Variants in LINGO2 observed in about 807,000 individuals in gnomAD.
LINGO2 encodes leucine-rich repeat and immunoglobulin-like domain-containing nogo receptor-interacting protein 2.
Under a neutral mutation model 30.6 loss-of-function variants are expected in LINGO2, and 14 were observed. The observed-to-expected ratio is 0.46, with a 90% CI of 0.30 to 0.72. The LOEUF (loss-of-function observed/expected upper bound fraction) is 0.72, where lower values mean the gene tolerates loss of function less well. Among genes scored for constraint, LINGO2 ranks in the 30% least tolerant of loss-of-function variants. The pLI is 0.07. For synonymous variants in LINGO2, 317 were observed against 288.5 expected (o/e 1.10, Z -1.00); for missense variants, 729 against 751.7 (o/e 0.97, Z 0.35).
chr9:28,830,166 T>C, the LINGO2 span, among the ~76,000 whole-genome samples: 1 of 152,076 alleles, frequency 6.6e-6, no homozygotes. Context: ...AAGGGGACAT[T>C]TTACTAGGCC....
chr9:28,305,600 A>G (rs1263735247), intron 3 of LINGO2, among the ~76,000 whole-genome samples: 1 of 152,042 alleles, frequency 6.6e-6, no homozygotes, highest in Non-Finnish European at 1.5e-5. Context: ...AATTTACACA[A>G]AAAAGTTCCC....
the LINGO2 span, among the ~76,000 whole-genome samples, chr9:28,776,612 T>C: frequency 6.6e-6 from 1 of 152,120 alleles, no homozygotes; most frequent in African/African-American, 2.4e-5. Context: ...TCCCTCTCTC[T>C]ATTCCACAAA....
intron 1 of LINGO2, among the ~76,000 whole-genome samples, chr9:28,593,911 T>C (rs914467396): frequency 4.6e-5 from 7 of 152,070 alleles, no homozygotes; most frequent in Admixed American, 1.3e-4. Context: ...CAGCTTAAAT[T>C]GTAGGAGAAT....
At chr9:28,498,919 G>A (rs1335215850) in intron 1 of LINGO2, among the ~76,000 whole-genome samples, 1 of 151,626 alleles carries the variant, frequency 6.6e-6, no homozygotes, top group African/African-American at 2.4e-5. Flanking sequence ...AGCAATAAAG[G>A]TAAATATTAT....
chr9:28,549,962 T>G (rs1320620481), intron 1 of LINGO2, among the ~76,000 whole-genome samples: 1 of 151,940 alleles, frequency 6.6e-6, no homozygotes, highest in African/African-American at 2.4e-5. Flanking sequence ...GTATTTTAAT[T>G]ATCTTCACAA....
At position 28,480,315 on chromosome 9, in the gene LINGO2, T is replaced by A. The variant is rs185103450; in HGVS notation, c.-364-4290A>T. ...ATGTTCAAATGCTATCTTCAATAATTTCTTTGAAAGGAAACACTTAAGTGC... is the reference window on the plus strand; with the variant it reads ...ATGTTCAAATGCTATCTTCAATAATATCTTTGAAAGGAAACACTTAAGTGC... On this transcript the variant is annotated intron_variant, in intron 1 of 5. Coordinates refer to ENST00000379992, the Ensembl canonical transcript of LINGO2. 7.8e-4 allele frequency among the ~76,000 whole-genome samples: 118 copies of A among 152,096 alleles called. 1 individual carries two copies. The highest frequency in any genetic ancestry group is 6.7e-3 in the Admixed American group (102 of 15,256).
chr9:29,087,662 T>C, the LINGO2 span, among the ~76,000 whole-genome samples: 1 of 152,140 alleles, frequency 6.6e-6, no homozygotes, highest in African/African-American at 2.4e-5. Context: ...AGTCTTTAAT[T>C]AGACTAGAAT....
At chr9:28,857,868 T>C in the LINGO2 span, among the ~76,000 whole-genome samples, 2 of 152,046 alleles carry the variant, frequency 1.3e-5, no homozygotes, top group Non-Finnish European at 2.9e-5. Flanking sequence ...AAATATATTA[T>C]TGAAATTAAT....
intron 4 of LINGO2, among the ~76,000 whole-genome samples, chr9:28,209,479 A>AT (rs1820519551): frequency 6.6e-6 from 1 of 151,992 alleles, no homozygotes; most frequent in African/African-American, 2.4e-5. Context: ...ATTTTCTGAA[A>AT]TAAAAATCAG....
the LINGO2 span, among the ~76,000 whole-genome samples, chr9:28,770,271 C>A: frequency 6.6e-6 from 1 of 152,108 alleles, no homozygotes; most frequent in Non-Finnish European, 1.5e-5. Context: ...CCATCTTTTT[C>A]TAGCAGCTAT....
chr9:28,186,640 TAGATAAGTTAAGAATCAAAAAATGTGA>T (rs1186913633), intron 4 of LINGO2, among the ~76,000 whole-genome samples: 2 of 152,086 alleles, frequency 1.3e-5, no homozygotes, highest in African/African-American at 4.8e-5. Flanking sequence ...CAGGAAGATT[TAGATAAGTTAAGAATCAAAAAATGTGA>T]AGACTTCAAT....
chr9:28,282,796 A>G (rs1187375868), intron 4 of LINGO2, among the ~76,000 whole-genome samples: 1 of 152,162 alleles, frequency 6.6e-6, no homozygotes, highest in African/African-American at 2.4e-5. Context: ...TCAGTGCTTC[A>G]GATTTGCTAG....
chr9:29,071,311 T>C, the LINGO2 span, among the ~76,000 whole-genome samples: 1 of 150,658 alleles, frequency 6.6e-6, no homozygotes, highest in African/African-American at 2.4e-5. Flanking sequence ...CCTTCTTCAG[T>C]CTCCCAAGTA....
intron 1 of LINGO2, among the ~76,000 whole-genome samples, chr9:28,556,267 C>A (rs1387275100): frequency 6.6e-6 from 1 of 152,078 alleles, no homozygotes; most frequent in Non-Finnish European, 1.5e-5. Flanking sequence ...AGCCCAAAAT[C>A]TCCTTAAGCT....
At chr9:27,942,997 A>T in the LINGO2 span, 1 of 152,170 alleles carries the variant, frequency 6.6e-6, no homozygotes, top group Non-Finnish European at 1.5e-5. Flanking sequence ...TGTTCATGCC[A>T]ATTCCAATCT....
chr9:28,949,021 A>G, the LINGO2 span, among the ~76,000 whole-genome samples: 1 of 152,072 alleles, frequency 6.6e-6, no homozygotes, highest in Non-Finnish European at 1.5e-5. Context: ...TTGAACAATG[A>G]AAGTTCCTTC....
chr9:28,738,136 C>T, the LINGO2 span, among the ~76,000 whole-genome samples: 6 of 152,150 alleles, frequency 3.9e-5, no homozygotes, highest in Admixed American at 6.6e-5. Context: ...CCAGAGAGGA[C>T]AAGAACACAA....
At chr9:28,894,622 T>C in the LINGO2 span, among the ~76,000 whole-genome samples, 4 of 151,992 alleles carry the variant, frequency 2.6e-5, no homozygotes, top group Non-Finnish European at 5.9e-5. Context: ...AGCAATAGTA[T>C]TTTTTGCCAA....
chr9:28,761,628 A>G, the LINGO2 span, among the ~76,000 whole-genome samples: 2 of 152,090 alleles, frequency 1.3e-5, no homozygotes, highest in South Asian at 2.1e-4. Flanking sequence ...AAAATAAAAT[A>G]AGAAAAGTGA....
Sources: gnomAD v4.1 joint callset for allele counts (sites outside exome capture counted in the v4.1 genomes callset) on GRCh38, gnomAD v4.1.1 for gene constraint, MANE v1.5 for transcripts, NCBI Gene and HGNC (gene_info 2026-07-23, HGNC 2026-07-21) for gene names.